VPS35L: variants seen among roughly 807,000 people sequenced by gnomAD.
VPS35L encodes VPS35 endosomal protein sorting factor like, also known as VPS35 endosomal protein-sorting factor-like.
Under a neutral mutation model 133.0 loss-of-function variants are expected in VPS35L, and 83 were observed. The ratio of observed to expected loss-of-function variants is 0.62; its 90% CI spans 0.52 to 0.75. VPS35L has a LOEUF of 0.75. Ranked by LOEUF, VPS35L falls within the 30% of genes least tolerant of loss-of-function variation. VPS35L has a pLI of 0.00. For missense variants in VPS35L, 1,083 were observed against 1,206.8 expected (o/e 0.90, Z 1.52); for synonymous variants, 423 against 449.9 (o/e 0.94, Z 0.76).
At chr16:19,650,147 C>CT (rs1189319391) in intron 24 of VPS35L, among the ~76,000 whole-genome samples, 2 of 152,182 alleles carry the variant, frequency 1.3e-5, no homozygotes, top group Non-Finnish European at 2.9e-5. Flanking sequence ...AAAGGCATGA[C>CT]TGACGTAGCC....
chr16:19,575,002 A>G (rs1277434985), intron 4 of VPS35L, 96 bp from the exon 5 acceptor site: 34 of 1,023,236 alleles, frequency 3.3e-5, no homozygotes, highest in Non-Finnish European at 4.8e-5. Context: ...TTGAATATAT[A>G]TTTCTTTCTC....
In VPS35L at chr16:19,637,171, G is replaced by T. The variant is rs370417372; in HGVS notation, c.1636-423G>T. Among the ~76,000 whole-genome samples the T allele has an allele frequency of 4.6e-5, 7 of 152,324 alleles. No homozygotes were observed. The South Asian group carries it at 8.3e-4, about 18-fold the overall frequency. On this transcript the variant is annotated intron_variant, in intron 19 of 30. Coordinates refer to ENST00000417362, the MANE Select transcript of VPS35L (RefSeq NM_020314.7). ...GAGTAGTTGTGGTGGACTGTAGGAC[G>T]TTTATAGAAAAAGTTTGCCCACTAT...
chr16:19,679,705 A>G (rs750420439), intron 27 of VPS35L, among the ~76,000 whole-genome samples: 2 of 151,968 alleles, frequency 1.3e-5, no homozygotes, highest in Non-Finnish European at 2.9e-5. Context: ...GGGTTTCGCC[A>G]TGTTGGCCAG....
At chr16:19,568,016 G>A (rs1424769262) in intron 2 of VPS35L, among the ~76,000 whole-genome samples, 1 of 150,016 alleles carries the variant, frequency 6.7e-6, no homozygotes, top group African/African-American at 2.5e-5. Context: ...CTCCAACTTC[G>A]CTACACATTG....
intron 23 of VPS35L, among the ~76,000 whole-genome samples, chr16:19,647,572 C>A (rs1567453107): frequency 6.6e-6 from 1 of 152,172 alleles, no homozygotes; most frequent in East Asian, 1.9e-4. Flanking sequence ...AACAATATCC[C>A]ATTATTCCCT....
rs393382 is a variant in VPS35L at position 19,573,755 on chromosome 16, T to C, written c.408+514T>C. Among the ~76,000 whole-genome samples the C allele has an allele frequency of 5.1e-3, 775 of 152,028 alleles. 4 individuals are homozygous for C. The highest frequency in any genetic ancestry group is 0.017 in the Middle Eastern group (5 of 294). On this transcript the variant is annotated intron_variant, in intron 4 of 30. Coordinates refer to ENST00000417362, the MANE Select transcript of VPS35L (RefSeq NM_020314.7). Reference sequence around the variant, plus strand: ...TTGAACCCGGGAAGTGGAGGTTACATTGCGCAGAGATCACGCCACTGCACT... The same window carrying C: ...TTGAACCCGGGAAGTGGAGGTTACACTGCGCAGAGATCACGCCACTGCACT...
At chr16:19,643,844 G>C (rs1404869269) in intron 22 of VPS35L, among the ~76,000 whole-genome samples, 3 of 151,716 alleles carry the variant, frequency 2.0e-5, no homozygotes, top group African/African-American at 7.3e-5. Flanking sequence ...TGTAATCCCA[G>C]CTACTTGGGA....
At chr16:19,610,481 G>A in intron 12 of VPS35L, 66 bp downstream of exon 12, 1 of 1,275,070 alleles carries the variant, frequency 7.8e-7, no homozygotes, top group South Asian at 1.3e-5. Context: ...TGTTCACACA[G>A]GGCCCTCCTT....
chr16:19,621,542 C>G (rs6497390), intron 14 of VPS35L, among the ~76,000 whole-genome samples: 88,240 of 152,120 alleles, frequency 0.58, 28,420 homozygotes, highest in African/African-American at 0.85. Flanking sequence ...TCAAGTTCTG[C>G]TGTGTGTGAA....
At chr16:19,591,011 C>A (rs899811542) in intron 7 of VPS35L, among the ~76,000 whole-genome samples, 1 of 151,890 alleles carries the variant, frequency 6.6e-6, no homozygotes, top group Non-Finnish European at 1.5e-5. Context: ...TGGCTGTGAC[C>A]CTTTGGCATG....
intron 8 of VPS35L, among the ~76,000 whole-genome samples, chr16:19,595,120 G>A (rs1972169457): frequency 6.6e-6 from 1 of 152,196 alleles, no homozygotes; most frequent in African/African-American, 2.4e-5. Flanking sequence ...GGTGGCCTTG[G>A]GGGCCACTGG....
intron 26 of VPS35L, 151 bp downstream of exon 26, chr16:19,652,241 A>G: frequency 1.6e-6 from 1 of 626,910 alleles, no homozygotes; most frequent in Non-Finnish European, 2.8e-6. Flanking sequence ...TAGTAGTGCA[A>G]TCATAGTTTC....
intron 29 of VPS35L, among the ~76,000 whole-genome samples, chr16:19,692,911 T>G (rs1240574191): frequency 1.3e-5 from 2 of 152,028 alleles, no homozygotes; most frequent in South Asian, 2.1e-4. Context: ...TTTGAGAGAG[T>G]AGGATTTTTT....
intron 28 of VPS35L, among the ~76,000 whole-genome samples, chr16:19,690,374 C>G (rs1389717177): frequency 6.6e-6 from 1 of 152,198 alleles, no homozygotes; most frequent in African/African-American, 2.4e-5. Context: ...TCAGGCTGTC[C>G]TTGGCTGGGC....
chr16:19,695,040 T>C (rs537486079), intron 29 of VPS35L, among the ~76,000 whole-genome samples: 1 of 149,940 alleles, frequency 6.7e-6, no homozygotes, highest in Admixed American at 6.6e-5. Flanking sequence ...GCTCAAGTGA[T>C]CCGCCCACCT....
At chr16:19,569,708 A>T (rs1389742548) in intron 3 of VPS35L, 117 bp downstream of exon 3, 40 of 1,129,166 alleles carry the variant, frequency 3.5e-5, no homozygotes, top group Non-Finnish European at 4.5e-5. Flanking sequence ...TCACTCTGTC[A>T]CCCAGGCTGG....
intron 3 of VPS35L, among the ~76,000 whole-genome samples, chr16:19,570,122 G>A (rs925827912): frequency 2.0e-5 from 3 of 151,914 alleles, no homozygotes; most frequent in Non-Finnish European, 2.9e-5. Flanking sequence ...CCAAACTGGA[G>A]TGCAGTGGTG....
At chr16:19,600,620 A>G (rs1972353261) in intron 8 of VPS35L, among the ~76,000 whole-genome samples, 1 of 152,228 alleles carries the variant, frequency 6.6e-6, no homozygotes, top group African/African-American at 2.4e-5. Flanking sequence ...GATCAGTACT[A>G]GGAATATGTC....
chr16:19,637,699 C>A, intron 20 of VPS35L, 43 bp downstream of exon 20: 1 of 1,335,004 alleles, frequency 7.5e-7, no homozygotes, highest in Admixed American at 2.0e-5. Context: ...TTGTACCTGG[C>A]TCAGAGGTTC....
Sources: allele counts gnomAD v4.1 joint callset (sites outside exome capture counted in the v4.1 genomes callset), GRCh38; gene constraint gnomAD v4.1.1; transcripts MANE v1.5; gene names NCBI Gene and HGNC (gene_info 2026-07-23, HGNC 2026-07-21).